C10orf88: variants seen among roughly 807,000 people sequenced by gnomAD.
C10orf88 encodes chromosome 10 open reading frame 88.
Under a neutral mutation model 34.2 loss-of-function variants are expected in C10orf88, and 29 were observed. The observed-to-expected ratio is 0.85, with a 90% CI of 0.63 to 1.16. The LOEUF is 1.16. Ranked by LOEUF, C10orf88 falls within the 50% of genes most tolerant of loss-of-function variation. The pLI is 0.00. For missense variants in C10orf88, 507 were observed against 533.2 expected (o/e 0.95, Z 0.48); for synonymous variants, 194 against 197.4 (o/e 0.98, Z 0.15).
intron 4 of C10orf88, among the ~76,000 whole-genome samples, chr10:122,944,058 C>A (rs11248343): frequency 0.93 from 141,670 of 151,588 alleles, 66,278 homozygotes; most frequent in East Asian, 1. Context: ...TCATGCTGCT[C>A]TAAAGACACA....
At chr10:122,940,199 T>C (rs1414379050) in intron 4 of C10orf88, among the ~76,000 whole-genome samples, 2 of 152,000 alleles carry the variant, frequency 1.3e-5, no homozygotes, top group Non-Finnish European at 2.9e-5. Context: ...TGAAATATCA[T>C]TGAATGAATA....
At chr10:122,948,525 C>T (rs2133335568) in intron 4 of C10orf88, 124 bp downstream of exon 4, 2 of 879,838 alleles carry the variant, frequency 2.3e-6, no homozygotes. Flanking sequence ...TTAACTTCTA[C>T]AAAACTAAAA....
intron 1 of C10orf88, among the ~76,000 whole-genome samples, chr10:122,953,263 G>A (rs1000751488): frequency 6.6e-6 from 1 of 152,094 alleles, no homozygotes; most frequent in African/African-American, 2.4e-5. Context: ...ATTTTTCGTA[G>A]AGACGGGGTT....
In C10orf88 at chr10:122,938,069, C is replaced by T. The variant is rs969715060; in HGVS notation, c.739G>A (p.Gly247Arg). Residue 247 changes from glycine to arginine, a missense_variant, in exon 5 of 6, where the codon GGA becomes AGA. Coordinates refer to ENST00000481909, the MANE Select transcript of C10orf88 (RefSeq NM_024942.4). ...MIGLQSSSTL[G>R]TLNKSSSTPF... ...GTGGAGGACGACTTGTTTAAGGTTC[C>T]TAAGGTAGATGAGGATTGTAGTCCA... is the stretch of plus-strand genomic sequence containing the variant. The T allele has an allele frequency of 1.2e-6, 2 of 1,613,030 alleles. No homozygotes were observed. Among genetic ancestry groups the T allele is most frequent in the African/African-American group, 2.7e-5 (2 of 74,850 alleles).
chr10:122,943,056 G>A (rs370560806), intron 4 of C10orf88, among the ~76,000 whole-genome samples: 3 of 149,710 alleles, frequency 2.0e-5, no homozygotes, highest in East Asian at 3.9e-4. Context: ...AAAAGAGCCC[G>A]CATCGCCAAG....
intron 4 of C10orf88, 107 bp downstream of exon 4, chr10:122,948,541 CA>C: frequency 1.0e-6 from 1 of 967,818 alleles, no homozygotes; most frequent in Non-Finnish European, 1.5e-6. Flanking sequence ...TAAAAGATAA[CA>C]GTTAAATCAG....
rs1362138732 is a variant in C10orf88 at position 122,945,119 on chromosome 10, T to C, written c.648+3530A>G. Among the ~76,000 whole-genome samples, 21 of 151,732 alleles carry C rather than the reference T, an allele frequency of 1.4e-4. No individual in the cohort carries two copies. The Admixed American group carries it at 1.4e-3, about 10-fold the overall frequency. On this transcript the variant is annotated intron_variant, in intron 4 of 5. Coordinates refer to ENST00000481909, the MANE Select transcript of C10orf88 (RefSeq NM_024942.4). The stretch of plus-strand genomic sequence containing the variant: ...ATGTATAGATAGATATATGTATGTG[T>C]CACATTACAATGTTTTGGTCCACAA...
At chr10:122,950,293 CT>C in intron 3 of C10orf88, among the ~76,000 whole-genome samples, 1 of 152,306 alleles carries the variant, frequency 6.6e-6, no homozygotes, top group South Asian at 2.1e-4. Flanking sequence ...GCTCAAAAAC[CT>C]GTATAAGTAA....
Position 122,951,962 on chromosome 10 carries a change from T to C in C10orf88, c.433A>G (p.Lys145Glu). The C allele has an allele frequency of 1.3e-6, 2 of 1,543,252 alleles. No individual in the cohort carries two copies. The highest frequency in any genetic ancestry group is 4.5e-5 in the East Asian group (2 of 44,328). ...LKLESSTHACKIKLLSFGERQ... is the reference protein window; with the variant it reads ...LKLESSTHACEIKLLSFGERQ... ...TACAACTGACAACTTACCTTTATTT[T>C]ACAAGCATGTGTGGAGGACTCCAAT... The change falls in exon 3 of 6, where the codon AAA becomes GAA. Residue 145 changes from lysine (K) to glutamate (E), a missense_variant. Lys to Glu is a moderately conservative substitution (Grantham distance 56). Coordinates refer to ENST00000481909, the MANE Select transcript of C10orf88 (RefSeq NM_024942.4).
intron 4 of C10orf88, among the ~76,000 whole-genome samples, chr10:122,944,473 T>C (rs1848618686): frequency 6.6e-6 from 1 of 151,898 alleles, no homozygotes; most frequent in Non-Finnish European, 1.5e-5. Flanking sequence ...CATGTATACA[T>C]ATGTAACAAA....
chr10:122,941,859 T>A (rs1459837089), intron 4 of C10orf88, among the ~76,000 whole-genome samples: 1 of 152,066 alleles, frequency 6.6e-6, no homozygotes, highest in Non-Finnish European at 1.5e-5. Flanking sequence ...CCCATGAGTG[T>A]TGGCTGAGGG....
chr10:122,938,305 T>G, intron 4 of C10orf88, 146 bp from the exon 5 acceptor site: 1 of 708,780 alleles, frequency 1.4e-6, no homozygotes, highest in South Asian at 2.4e-5. Context: ...TATCCCAATA[T>G]TAAGCTGAGG....
chr10:122,954,193 T>TCAGGC lies in C10orf88; in HGVS notation c.-20_-16dup. The TCAGGC allele has an allele frequency of 1.3e-6, 2 of 1,551,580 alleles. No individual in the cohort carries two copies. The highest frequency in any genetic ancestry group is 2.4e-5 in the South Asian group (2 of 83,792). ...CGCGTCTCCATTCCGCCGCCTTCAGTCAGGCCAGCCCAGCCCCGGAACCTC... is the reference window on the plus strand; with the variant it reads ...CGCGTCTCCATTCCGCCGCCTTCAGTCAGGCCAGGCCAGCCCAGCCCCGGAACCTC... On this transcript the variant is annotated 5_prime_UTR_variant, in exon 1 of 6. Transcript: ENST00000481909.
chr10:122,947,873 T>C (rs1329453435), intron 4 of C10orf88, among the ~76,000 whole-genome samples: 1 of 152,230 alleles, frequency 6.6e-6, no homozygotes, highest in Non-Finnish European at 1.5e-5. Context: ...TCCATCATTT[T>C]AGCATCATTT....
intron 4 of C10orf88, among the ~76,000 whole-genome samples, chr10:122,946,147 A>C (rs1848638070): frequency 6.6e-6 from 1 of 152,208 alleles, no homozygotes; most frequent in Non-Finnish European, 1.5e-5. Context: ...TTATTATTGA[A>C]AAATAAAAAA....
chr10:122,937,843 T>C lies in C10orf88; in HGVS notation c.965A>G (p.Asp322Gly). The C allele has an allele frequency of 1.2e-6, 2 of 1,613,330 alleles. No homozygotes were observed. Among genetic ancestry groups the C allele is most frequent in the Non-Finnish European group, 1.7e-6 (2 of 1,179,454 alleles). Reference protein sequence around the residue: ...MASFLPKKVSDNSNIPNSELL... With the variant: ...MASFLPKKVSGNSNIPNSELL... ...CTCGGAGTTGGGTATATTTGAGTTG[T>C]CACTTACTTTCTTTGGTAAGAAAGA... is the stretch of plus-strand genomic sequence containing the variant. The change falls in exon 5 of 6, where the codon GAC becomes GGC. Residue 322 changes from aspartate to glycine, a missense_variant. By Grantham distance (94) the Asp-to-Gly change is moderately conservative. Transcript: ENST00000481909.
intron 4 of C10orf88, among the ~76,000 whole-genome samples, chr10:122,940,567 C>G (rs888471994): frequency 6.8e-6 from 1 of 147,318 alleles, no homozygotes; most frequent in Non-Finnish European, 1.5e-5. Context: ...AGTATTCTTA[C>G]CACAATTTAA....
At chr10:122,944,407 G>C (rs1406475616) in intron 4 of C10orf88, among the ~76,000 whole-genome samples, 1 of 150,162 alleles carries the variant, frequency 6.7e-6, no homozygotes, top group Non-Finnish European at 1.5e-5. Context: ...GATAGCATTG[G>C]GAGATATACC....
rs1406012684 is a variant in C10orf88, at chr10:122,942,725, T to C, written c.649-4566A>G. On this transcript the variant is annotated intron_variant, in intron 4 of 5. Transcript: ENST00000481909. ...AAAAATCACAAGCATTCTTATACAC[T>C]AACAACAGACAAACAGAGAGCCAAA... is the stretch of plus-strand genomic sequence containing the variant. Among the ~76,000 whole-genome samples the C allele has an allele frequency of 2.2e-4, 33 of 151,004 alleles. 1 individual carries two copies. The highest frequency in any genetic ancestry group is 1.3e-3 in the Admixed American group (20 of 15,108).
Sources: allele counts gnomAD v4.1 joint callset (sites outside exome capture counted in the v4.1 genomes callset), GRCh38; gene constraint gnomAD v4.1.1; transcripts MANE v1.5; gene names NCBI Gene and HGNC (gene_info 2026-07-23, HGNC 2026-07-21).